The following VPS8 variants were observed in gnomAD, a reference collection of about 807,000 sequenced individuals.
VPS8 encodes VPS8 subunit of CORVET complex.
VPS8 carries 129 observed loss-of-function variants against 216.4 expected under a neutral mutation model. The ratio of observed to expected loss-of-function variants is 0.60; its 90% CI spans 0.52 to 0.69. The LOEUF is 0.69. Ranked by LOEUF, VPS8 falls within the 30% of genes least tolerant of loss-of-function variation. The probability of loss-of-function intolerance (pLI) is 0.00; values close to 1 mark genes in which losing one functional copy is unlikely to be tolerated. For missense variants in VPS8, 1,531 were observed against 1,683.5 expected, an observed-to-expected ratio of 0.91 and a Z score of 1.59; for synonymous variants, 571 against 565.4, an observed-to-expected ratio of 1.01 and a Z score of -0.14.
At chr3:184,816,371 A>G (rs962008102) in intron 1 of VPS8, 12 of 152,204 alleles carry the variant, frequency 7.9e-5, no homozygotes, top group Admixed American at 2.6e-4. Flanking sequence ...GGAAGGTCTT[A>G]GGCACTGTTC....
At chr3:184,909,004 A>T (rs898098606) in intron 25 of VPS8, among the ~76,000 whole-genome samples, 2 of 152,232 alleles carry the variant, frequency 1.3e-5, no homozygotes, top group Non-Finnish European at 2.9e-5. Flanking sequence ...TGCAGGTTTC[A>T]TCCGGACCAG....
At chr3:184,815,216 A>C (rs555891495) in intron 1 of VPS8, among the ~76,000 whole-genome samples, 23 of 152,320 alleles carry the variant, frequency 1.5e-4, no homozygotes, top group African/African-American at 5.5e-4. Flanking sequence ...GTACACTCTA[A>C]AGATAAAAAG....
intron 8 of VPS8, among the ~76,000 whole-genome samples, chr3:184,845,588 T>G (rs1487899031): frequency 6.6e-6 from 1 of 151,938 alleles, no homozygotes; most frequent in Non-Finnish European, 1.5e-5. Flanking sequence ...AAACCCTGTC[T>G]CTACTAAAAA....
At chr3:184,834,868 C>T in intron 5 of VPS8, 126 bp downstream of exon 5, 1 of 708,440 alleles carries the variant, frequency 1.4e-6, no homozygotes, top group Non-Finnish European at 2.2e-6. Context: ...ATCTGGCTTT[C>T]ATGGTTTTTG....
rs770051062 is a variant in VPS8, at chr3:184,866,966, CTG to C, written c.1470+19_1470+20del. The C allele has an allele frequency of 1.1e-4, 172 of 1,610,236 alleles. No homozygotes were observed. The highest frequency in any genetic ancestry group is 1.4e-4 in the Non-Finnish European group (160 of 1,178,350). On this transcript the variant is annotated intron_variant, in intron 17 of 47. Transcript: ENST00000625842. ...GGGGACAAAAGTAAGCTCTTTTACT[CTG>C]TGAGTTGGTATTTGTATGTATCAGG... is the stretch of plus-strand genomic sequence containing the variant.
chr3:185,017,833 G>C (rs893255407), intron 45 of VPS8, among the ~76,000 whole-genome samples: 1 of 151,934 alleles, frequency 6.6e-6, no homozygotes, highest in South Asian at 2.1e-4. Flanking sequence ...TGGGGCCCAG[G>C]ACGGCCCTTC....
chr3:184,860,369 G>A (rs961844517), intron 15 of VPS8, among the ~76,000 whole-genome samples: 2 of 150,810 alleles, frequency 1.3e-5, no homozygotes, highest in Admixed American at 6.6e-5. Context: ...GTATATGTGT[G>A]TGTGTATATA....
At chr3:184,829,694 TC>T (rs1719583676) in intron 3 of VPS8, among the ~76,000 whole-genome samples, 1 of 152,246 alleles carries the variant, frequency 6.6e-6, no homozygotes, top group East Asian at 1.9e-4. Flanking sequence ...TTTGAATTTT[TC>T]TGTCTTTTTC....
chr3:184,881,667 T>C (rs1012185060), intron 21 of VPS8, among the ~76,000 whole-genome samples: 3 of 152,084 alleles, frequency 2.0e-5, no homozygotes, highest in African/African-American at 7.2e-5. Context: ...CTCGTCTATA[T>C]CTATGAAAAA....
chr3:185,027,301 G>A (rs1246495579), intron 46 of VPS8, among the ~76,000 whole-genome samples: 51 of 145,468 alleles, frequency 3.5e-4, no homozygotes, highest in South Asian at 1.1e-3. Flanking sequence ...AGAGTGCAGC[G>A]GCACGATCTC....
chr3:185,037,085 G>GTTTTTTT (rs1759020923), intron 46 of VPS8, among the ~76,000 whole-genome samples: 1 of 148,512 alleles, frequency 6.7e-6, no homozygotes. Flanking sequence ...TTTTAACATG[G>GTTTTTTT]ATTTAAATTA....
chr3:184,929,474 G>A, intron 32 of VPS8, 106 bp from the exon 33 acceptor site: 1 of 675,670 alleles, frequency 1.5e-6, no homozygotes, highest in African/African-American at 1.9e-5. Context: ...ATAAGCATGA[G>A]CCAGGACACC....
At chr3:185,005,877 G>C (rs993469617) in intron 45 of VPS8, among the ~76,000 whole-genome samples, 3 of 151,948 alleles carry the variant, frequency 2.0e-5, no homozygotes, top group Non-Finnish European at 4.4e-5. Context: ...TTACCGATTG[G>C]GTGTCCTTTA....
intron 16 of VPS8, among the ~76,000 whole-genome samples, chr3:184,865,935 C>G (rs572440721): frequency 6.6e-6 from 1 of 151,810 alleles, no homozygotes; most frequent in Admixed American, 6.6e-5. Flanking sequence ...TTGCAGTGAG[C>G]CGAGATGGTG....
chr3:185,036,375 A>G (rs1481552700), intron 46 of VPS8, among the ~76,000 whole-genome samples: 2 of 152,226 alleles, frequency 1.3e-5, no homozygotes, highest in Non-Finnish European at 2.9e-5. Context: ...ATAAAGCCAC[A>G]GTAACCAAAA....
At chr3:184,903,487 TGTCA>T (rs1395319009) in intron 25 of VPS8, among the ~76,000 whole-genome samples, 1 of 152,226 alleles carries the variant, frequency 6.6e-6, no homozygotes, top group Non-Finnish European at 1.5e-5. Flanking sequence ...AGTCTCACTC[TGTCA>T]GTCAGGCTGG....
At chr3:184,850,423 G>C (rs976432061) in intron 10 of VPS8, among the ~76,000 whole-genome samples, 1 of 152,164 alleles carries the variant, frequency 6.6e-6, no homozygotes, top group African/African-American at 2.4e-5. Flanking sequence ...TGCTGAGGTG[G>C]TGTGCTCTGT....
At chr3:184,976,051 G>A (rs181926292) in intron 40 of VPS8, among the ~76,000 whole-genome samples, 180 of 152,118 alleles carry the variant, frequency 1.2e-3, no homozygotes, top group Non-Finnish European at 2.2e-3. Flanking sequence ...TTACGTCCAT[G>A]TATACCCAAT....
At chr3:184,906,626 A>G (rs182151474) in intron 25 of VPS8, among the ~76,000 whole-genome samples, 34 of 152,268 alleles carry the variant, frequency 2.2e-4, no homozygotes, top group East Asian at 3.9e-4. Context: ...TAGAAGGGAG[A>G]TGGGGAAATA....
Sources: gnomAD v4.1 joint callset for allele counts (sites outside exome capture counted in the v4.1 genomes callset) on GRCh38, gnomAD v4.1.1 for gene constraint, MANE v1.5 for transcripts, NCBI Gene and HGNC (gene_info 2026-07-23, HGNC 2026-07-21) for gene names.